The following IQCK variants were observed in gnomAD, a reference collection of about 807,000 sequenced individuals.
The protein encoded by IQCK is IQ domain-containing protein K.
In IQCK, 29 loss-of-function variants were observed where a neutral mutation model predicts 28.1. The ratio of observed to expected loss-of-function variants is 1.03; its 90% CI spans 0.77 to 1.41. The LOEUF (loss-of-function observed/expected upper bound fraction) is 1.41, where lower values mean the gene tolerates loss of function less well. IQCK is among the 40% of genes most tolerant of loss of function. IQCK has a pLI of 0.00. For synonymous variants in IQCK, 113 were observed against 115.1 expected (o/e 0.98, Z 0.12); for missense variants, 359 against 314.7 (o/e 1.14, Z -1.07).
downstream of IQCK, chr16:19,827,266 G>A (rs1369116302): frequency 9.3e-6 from 6 of 647,186 alleles, no homozygotes; most frequent in East Asian, 1.6e-4. Context: ...GTGCATGGGG[G>A]AAGTGGCTGC....
chr16:19,718,308 T>C (rs567714358), exon 1 of IQCK: 21 of 1,604,532 alleles, frequency 1.3e-5, no homozygotes, highest in East Asian at 4.5e-5. Context: ...ACCGCGGCCA[T>C]GGCGGCACCG....
At chr16:19,773,135 G>A (rs56717927) in intron 6 of IQCK, among the ~76,000 whole-genome samples, 14 of 152,308 alleles carry the variant, frequency 9.2e-5, no homozygotes, top group African/African-American at 2.4e-4. Context: ...AGGGCTGGGG[G>A]CCATTCCCTA....
intron 6 of IQCK, among the ~76,000 whole-genome samples, chr16:19,785,574 T>A (rs1433597717): frequency 6.6e-6 from 1 of 152,252 alleles, no homozygotes; most frequent in Non-Finnish European, 1.5e-5. Context: ...GGAAATTGGC[T>A]GTCCACAACC....
chr16:19,774,992 C>G (rs560062600), intron 6 of IQCK, among the ~76,000 whole-genome samples: 54 of 152,168 alleles, frequency 3.5e-4, no homozygotes, highest in Middle Eastern at 3.4e-3. Flanking sequence ...CTTTGGGAGG[C>G]CAAGGCAGGT....
At chr16:19,800,984 G>A (rs572739900) in intron 7 of IQCK, among the ~76,000 whole-genome samples, 1 of 123,698 alleles carries the variant, frequency 8.1e-6, no homozygotes, top group South Asian at 2.4e-4. Context: ...AGCCTTTTTA[G>A]GAGTGTGTGT....
At chr16:19,779,521 C>T (rs1016433350) in intron 6 of IQCK, among the ~76,000 whole-genome samples, 1 of 151,900 alleles carries the variant, frequency 6.6e-6, no homozygotes, top group African/African-American at 2.4e-5. Flanking sequence ...TCTTTTTTCC[C>T]ACTAACCACC....
At chr16:19,824,847 C>T (rs1324427030) in intron 7 of IQCK, among the ~76,000 whole-genome samples, 2 of 152,180 alleles carry the variant, frequency 1.3e-5, no homozygotes, top group African/African-American at 4.8e-5. Flanking sequence ...AAGACTGTTT[C>T]ACCATTCTGC....
At chr16:19,821,358 T>G (rs1419174161) in intron 7 of IQCK, among the ~76,000 whole-genome samples, 1 of 152,184 alleles carries the variant, frequency 6.6e-6, no homozygotes, top group East Asian at 1.9e-4. Context: ...AATGTAAAAT[T>G]ACCCATGTCA....
chr16:19,745,782 ACTGGG>A (rs1289020892), intron 4 of IQCK, among the ~76,000 whole-genome samples: 1 of 152,068 alleles, frequency 6.6e-6, no homozygotes, highest in Non-Finnish European at 1.5e-5. Flanking sequence ...TCAGCTGGTA[ACTGGG>A]CTGGGTTGGA....
intron 9 of IQCK, among the ~76,000 whole-genome samples, chr16:19,854,306 G>T (rs2056525183): frequency 6.6e-6 from 1 of 152,198 alleles, no homozygotes; most frequent in African/African-American, 2.4e-5. Flanking sequence ...GTAGATGGGT[G>T]GGCTCCACCC....
At chr16:19,761,448 C>A (rs1391414919) in intron 4 of IQCK, 1 of 454,316 alleles carries the variant, frequency 2.2e-6, no homozygotes, top group South Asian at 1.6e-5. Context: ...GAGGGTGGAT[C>A]TGGATGGGCA....
At chr16:19,826,863 A>G (rs1488091432) in intron 7 of IQCK, among the ~76,000 whole-genome samples, 163 bp from the exon 8 acceptor site, 1 of 152,210 alleles carries the variant, frequency 6.6e-6, no homozygotes, top group Non-Finnish European at 1.5e-5. Context: ...ATGCTCAAAT[A>G]TGATGTAAGC....
chr16:19,748,333 C>T (rs994748659), intron 4 of IQCK, among the ~76,000 whole-genome samples: 1 of 152,096 alleles, frequency 6.6e-6, no homozygotes, highest in Non-Finnish European at 1.5e-5. Context: ...CCTCTGCCTC[C>T]CAAAGTGCTG....
intron 6 of IQCK, among the ~76,000 whole-genome samples, chr16:19,768,031 T>A (rs917098764): frequency 2.7e-5 from 4 of 148,318 alleles, no homozygotes; most frequent in Admixed American, 6.7e-5. Context: ...TTTTTTTTTT[T>A]AAACTTCCTA....
intron 7 of IQCK, among the ~76,000 whole-genome samples, chr16:19,815,520 A>G (rs1282806023): frequency 6.6e-6 from 1 of 151,960 alleles, no homozygotes; most frequent in Non-Finnish European, 1.5e-5. Flanking sequence ...ACAAAACAAA[A>G]CAAAACTAGG....
At chr16:19,729,034 A>G (rs1466633967) in intron 1 of IQCK, among the ~76,000 whole-genome samples, 2 of 152,200 alleles carry the variant, frequency 1.3e-5, no homozygotes, top group African/African-American at 2.4e-5. Flanking sequence ...TATTTTTACC[A>G]GTCTTTGCTT....
At chr16:19,759,939 A>T (rs1181866600) in intron 4 of IQCK, among the ~76,000 whole-genome samples, 1 of 151,958 alleles carries the variant, frequency 6.6e-6, no homozygotes, top group Non-Finnish European at 1.5e-5. Flanking sequence ...AGCCTGGGCA[A>T]CAGAGTGAGA....
At chr16:19,848,043 G>T (rs574650368) in intron 9 of IQCK, among the ~76,000 whole-genome samples, 203 of 152,314 alleles carry the variant, frequency 1.3e-3, no homozygotes, top group Admixed American at 2.9e-3. Flanking sequence ...TGGATTTGGA[G>T]TTGCTGGGTT....
At chr16:19,753,783 T>C (rs943469431) in intron 4 of IQCK, among the ~76,000 whole-genome samples, 1 of 151,912 alleles carries the variant, frequency 6.6e-6, no homozygotes. Flanking sequence ...CTCTCCTGCC[T>C]CTCTGCTTGG....
Sources: gnomAD v4.1 joint callset for allele counts (sites outside exome capture counted in the v4.1 genomes callset) on GRCh38, gnomAD v4.1.1 for gene constraint, MANE v1.5 for transcripts, NCBI Gene and HGNC (gene_info 2026-07-23, HGNC 2026-07-21) for gene names.